Variants in C12orf42 observed in about 807,000 individuals in gnomAD.
C12orf42 encodes the protein uncharacterized protein C12orf42.
In C12orf42, 25 loss-of-function variants were observed where a neutral mutation model predicts 21.6. The ratio of observed to expected loss-of-function variants is 1.16; its 90% CI spans 0.84 to 1.62. C12orf42 has a LOEUF of 1.62. Among genes scored for constraint, C12orf42 ranks in the 40% most tolerant of loss-of-function variants. C12orf42 has a pLI of 0.00. For missense variants in C12orf42, 483 were observed against 459.3 expected, an observed-to-expected ratio of 1.05 and a Z score of -0.47; for synonymous variants, 174 against 175.0, an observed-to-expected ratio of 0.99 and a Z score of 0.05.
intron 10 of C12orf42, among the ~76,000 whole-genome samples, chr12:103,253,769 G>A (rs2034421165): frequency 3.3e-5 from 5 of 151,456 alleles, no homozygotes; most frequent in Admixed American, 3.3e-4. Flanking sequence ...CTTGCCCCAT[G>A]ATCTCAGCCC....
chr12:103,363,395 A>G (rs1422768230), intron 4 of C12orf42, among the ~76,000 whole-genome samples: 1 of 152,182 alleles, frequency 6.6e-6, no homozygotes, highest in African/African-American at 2.4e-5. Flanking sequence ...ACCTCTTTAA[A>G]GCATAAATCT....
chr12:103,068,936 T>TAC, the C12orf42 span, among the ~76,000 whole-genome samples: 1 of 6,312 alleles, frequency 1.6e-4, no homozygotes, highest in Non-Finnish European at 3.0e-4. Flanking sequence ...TCTCTCCACA[T>TAC]ATATATATAT....
the C12orf42 span, among the ~76,000 whole-genome samples, chr12:103,124,693 C>A: frequency 2.6e-5 from 4 of 152,120 alleles, no homozygotes; most frequent in African/African-American, 9.7e-5. Context: ...CATATAGTCT[C>A]TGGACATTGG....
At chr12:103,196,269 A>G in the C12orf42 span, among the ~76,000 whole-genome samples, 490 of 152,104 alleles carry the variant, frequency 3.2e-3, 3 homozygotes, top group Non-Finnish European at 5.3e-3. Context: ...GTTGATTTCT[A>G]TTTTTATTGC....
the C12orf42 span, among the ~76,000 whole-genome samples, chr12:103,540,011 G>C: frequency 6.6e-6 from 1 of 151,444 alleles, no homozygotes; most frequent in African/African-American, 2.4e-5. Flanking sequence ...TTTTGTTTTT[G>C]TTTTTGTTTT....
chr12:103,411,804 C>T (rs1156841359), intron 2 of C12orf42, among the ~76,000 whole-genome samples: 1 of 152,198 alleles, frequency 6.6e-6, no homozygotes, highest in Non-Finnish European at 1.5e-5. Flanking sequence ...TATTTTGTTA[C>T]AGCATCCTGA....
intron 2 of C12orf42, among the ~76,000 whole-genome samples, chr12:103,449,101 A>C (rs781666161): frequency 1.3e-4 from 19 of 151,292 alleles, no homozygotes; most frequent in Non-Finnish European, 2.5e-4. Flanking sequence ...ATAGATAGAT[A>C]GATAGATAGA....
intron 3 of C12orf42, among the ~76,000 whole-genome samples, chr12:103,375,050 T>C (rs1408136882): frequency 1.3e-5 from 2 of 152,166 alleles, no homozygotes; most frequent in South Asian, 2.1e-4. Context: ...CCAATGTAAG[T>C]AGTAAGCCAT....
chr12:103,310,149 G>T (rs953286186), intron 4 of C12orf42, among the ~76,000 whole-genome samples: 1 of 152,184 alleles, frequency 6.6e-6, no homozygotes, highest in Non-Finnish European at 1.5e-5. Context: ...GATTTCTTAC[G>T]AATGGTTTAG....
chr12:103,451,149 C>T (rs1333990563), intron 2 of C12orf42, among the ~76,000 whole-genome samples: 1 of 151,992 alleles, frequency 6.6e-6, no homozygotes, highest in African/African-American at 2.4e-5. Context: ...CCTCCAGGTT[C>T]CATTTTATTT....
At chr12:103,527,528 A>G in the C12orf42 span, among the ~76,000 whole-genome samples, 1 of 152,174 alleles carries the variant, frequency 6.6e-6, no homozygotes, top group Non-Finnish European at 1.5e-5. Context: ...ATTGTTGATG[A>G]GCTAATAAAT....
the C12orf42 span, among the ~76,000 whole-genome samples, chr12:103,096,690 A>T: frequency 6.6e-6 from 1 of 152,218 alleles, no homozygotes; most frequent in Non-Finnish European, 1.5e-5. Flanking sequence ...TAGATTTGAA[A>T]GAGTTCTTTC....
chr12:103,068,483 T>C, the C12orf42 span, among the ~76,000 whole-genome samples: 1 of 152,082 alleles, frequency 6.6e-6, no homozygotes. Context: ...GGTGGACTTG[T>C]GATGGTTAAT....
the C12orf42 span, among the ~76,000 whole-genome samples, chr12:103,553,628 G>T: frequency 6.6e-6 from 1 of 152,200 alleles, no homozygotes; most frequent in Non-Finnish European, 1.5e-5. Context: ...GAAATCGTTT[G>T]AGTCAGTTTC....
At chr12:103,152,512 AAAATCACAAAT>A in the C12orf42 span, among the ~76,000 whole-genome samples, 1 of 152,192 alleles carries the variant, frequency 6.6e-6, no homozygotes. Flanking sequence ...TAAATAAATA[AAAATCACAAAT>A]ATAGGAAAAA....
chr12:103,049,793 T>C, the C12orf42 span, among the ~76,000 whole-genome samples: 3 of 152,188 alleles, frequency 2.0e-5, no homozygotes, highest in Non-Finnish European at 4.4e-5. Flanking sequence ...GCCTTTCCCC[T>C]AGGTAATCTG....
At chr12:103,461,684 AC>A (rs1565867260) in intron 2 of C12orf42, among the ~76,000 whole-genome samples, 1 of 152,194 alleles carries the variant, frequency 6.6e-6, no homozygotes, top group African/African-American at 2.4e-5. Flanking sequence ...GGAATAAGTC[AC>A]CTAACTTCTC....
At chr12:103,221,256 AT>A in the C12orf42 span, among the ~76,000 whole-genome samples, 6 of 151,468 alleles carry the variant, frequency 4.0e-5, no homozygotes, top group African/African-American at 1.2e-4. Context: ...TTATGCCACC[AT>A]TTTTTTTTAA....
chr12:103,149,558 G>A, the C12orf42 span, among the ~76,000 whole-genome samples: 1 of 147,450 alleles, frequency 6.8e-6, no homozygotes, highest in African/African-American at 2.5e-5. Flanking sequence ...CTTGGTGGGA[G>A]GTGATTGGAT....
Sources: gnomAD v4.1 joint callset for allele counts (sites outside exome capture counted in the v4.1 genomes callset) on GRCh38, gnomAD v4.1.1 for gene constraint, MANE v1.5 for transcripts, NCBI Gene and HGNC (gene_info 2026-07-23, HGNC 2026-07-21) for gene names.